NAALADL2: variants seen among roughly 807,000 people sequenced by gnomAD.
NAALADL2 encodes inactive N-acetylated-alpha-linked acidic dipeptidase-like protein 2.
Under a neutral mutation model 87.2 loss-of-function variants are expected in NAALADL2, and 76 were observed. The ratio of observed to expected loss-of-function variants is 0.87; its 90% CI spans 0.72 to 1.05. The LOEUF (loss-of-function observed/expected upper bound fraction) is 1.05, where lower values mean the gene tolerates loss of function less well. Ranked by LOEUF, NAALADL2 falls within the 50% of genes least tolerant of loss-of-function variation. The pLI, the probability that NAALADL2 is intolerant of heterozygous loss-of-function variation, is 0.00. For synonymous variants in NAALADL2, 354 were observed against 331.0 expected (o/e 1.07, Z -0.75); for missense variants, 1,089 against 945.8 (o/e 1.15, Z -1.99).
intron 3 of NAALADL2, among the ~76,000 whole-genome samples, chr3:174,751,880 G>A (rs1005667369): frequency 1.3e-5 from 2 of 152,076 alleles, no homozygotes; most frequent in African/African-American, 2.4e-5. Context: ...GTGTGTGCGC[G>A]TGCGCAATTT....
Position 174,617,054 on chromosome 3 carries a change from AC to A in NAALADL2, c.-115+66418del, listed in dbSNP as rs1157908838. Among the ~76,000 whole-genome samples the A allele has an allele frequency of 2.0e-5, 3 of 151,878 alleles. No homozygotes were observed. In the East Asian group the frequency reaches 5.8e-4, roughly 29 times the overall value. On this transcript the variant is annotated intron_variant, in intron 2 of 3. Transcript: ENST00000434257. ...TTGGAATTTTTAATTCACTTAGTTA[AC>A]TTTGTATGGGTATTAAATACCCTGC...
intron 5 of NAALADL2, among the ~76,000 whole-genome samples, chr3:175,401,851 A>C (rs1319830881): frequency 6.6e-6 from 1 of 152,108 alleles, no homozygotes; most frequent in African/African-American, 2.4e-5. Flanking sequence ...TTTTTCGGTG[A>C]AGCTCCTTCC....
At chr3:175,461,487 G>GAC (rs1353135485) in intron 6 of NAALADL2, among the ~76,000 whole-genome samples, 1 of 152,010 alleles carries the variant, frequency 6.6e-6, no homozygotes, top group Non-Finnish European at 1.5e-5. Flanking sequence ...CTCTAATCAC[G>GAC]ACACCCCAAC....
At chr3:174,758,242 A>T (rs958312703) in intron 3 of NAALADL2, among the ~76,000 whole-genome samples, 1 of 152,196 alleles carries the variant, frequency 6.6e-6, no homozygotes, top group Non-Finnish European at 1.5e-5. Context: ...GGTAAAACAC[A>T]AATTATGTTA....
chr3:175,119,695 A>AGATATAGATATAGATATAGATT (rs1725827790), intron 2 of NAALADL2, among the ~76,000 whole-genome samples: 1 of 147,756 alleles, frequency 6.8e-6, no homozygotes, highest in East Asian at 2.0e-4. Context: ...GTGTGTATAT[A>AGATATAGATATAGATATAGATT]TAGATATAGA....
chr3:175,743,207 G>T (rs1292294812), intron 12 of NAALADL2, among the ~76,000 whole-genome samples: 1 of 151,946 alleles, frequency 6.6e-6, no homozygotes, highest in Non-Finnish European at 1.5e-5. Context: ...CACCATGTTG[G>T]CCAGGCCCTT....
intron 2 of NAALADL2, among the ~76,000 whole-genome samples, chr3:174,648,078 G>C (rs955332491): frequency 1.3e-5 from 2 of 151,956 alleles, no homozygotes; most frequent in Non-Finnish European, 2.9e-5. Flanking sequence ...TGGTCAAAAA[G>C]AAAAAGGGGA....
chr3:174,938,915 A>T (rs1263507557), intron 1 of NAALADL2, among the ~76,000 whole-genome samples: 1 of 152,040 alleles, frequency 6.6e-6, no homozygotes, highest in Non-Finnish European at 1.5e-5. Context: ...TAGAAGCTGG[A>T]TATTAGACCT....
At chr3:175,388,751 T>A (rs930678321) in intron 5 of NAALADL2, among the ~76,000 whole-genome samples, 1 of 152,094 alleles carries the variant, frequency 6.6e-6, no homozygotes, top group Non-Finnish European at 1.5e-5. Flanking sequence ...CCATCTGAAC[T>A]ATTTCTTAGT....
At chr3:174,895,810 C>T (rs777389805) in intron 1 of NAALADL2, among the ~76,000 whole-genome samples, 5 of 151,946 alleles carry the variant, frequency 3.3e-5, no homozygotes, top group Non-Finnish European at 5.9e-5. Context: ...GAAAATACAA[C>T]CTGAATTCAG....
At position 175,145,518 on chromosome 3, in the gene NAALADL2, T is replaced by C. The variant is rs955749269; in HGVS notation, c.545+48227T>C. 3.6e-4 allele frequency among the ~76,000 whole-genome samples: 55 copies of C among 152,218 alleles called. 1 individual carries two copies. Among genetic ancestry groups the C allele is most frequent in the African/African-American group, 1.2e-3 (51 of 41,548 alleles). On this transcript the variant is annotated intron_variant, in intron 2 of 13. Coordinates refer to ENST00000454872, the MANE Select transcript of NAALADL2 (RefSeq NM_207015.3). ...AACTTATCGGAAAGAAAATGTATTT[T>C]TTTTCTTCTTTCATTTGACCTTTCT...
chr3:175,665,867 G>T (rs974490947), intron 11 of NAALADL2, among the ~76,000 whole-genome samples: 1 of 151,986 alleles, frequency 6.6e-6, no homozygotes, highest in Non-Finnish European at 1.5e-5. Flanking sequence ...GGAGGCGGAC[G>T]TTGCAGTGAG....
intron 1 of NAALADL2, among the ~76,000 whole-genome samples, chr3:174,503,180 AG>A (rs1317486879): frequency 6.6e-6 from 1 of 152,174 alleles, no homozygotes; most frequent in Non-Finnish European, 1.5e-5. Context: ...AAAATTTGTA[AG>A]GCATCAAGGG....
chr3:174,741,855 A>T (rs567164125), intron 3 of NAALADL2, among the ~76,000 whole-genome samples: 1 of 151,678 alleles, frequency 6.6e-6, no homozygotes, highest in Non-Finnish European at 1.5e-5. Flanking sequence ...AGCGGTTTCC[A>T]TTTCCTTATA....
intron 9 of NAALADL2, among the ~76,000 whole-genome samples, chr3:175,488,050 G>C (rs566351138): frequency 6.6e-6 from 1 of 152,288 alleles, no homozygotes; most frequent in South Asian, 2.1e-4. Context: ...TATTGAAATG[G>C]AAAACAGTGT....
chr3:175,144,990 A>G (rs113853093), intron 2 of NAALADL2, among the ~76,000 whole-genome samples: 1,749 of 151,830 alleles, frequency 0.012, 16 homozygotes, highest in South Asian at 0.039. Context: ...AAAACATTCC[A>G]TTTCTTTATT....
chr3:175,325,844 G>A (rs1404653192), intron 5 of NAALADL2, among the ~76,000 whole-genome samples: 3 of 152,040 alleles, frequency 2.0e-5, no homozygotes, highest in Non-Finnish European at 1.5e-5. Context: ...CTCTGAAATG[G>A]CTTTATTCTG....
At chr3:175,025,999 C>A (rs1369080488) in intron 1 of NAALADL2, among the ~76,000 whole-genome samples, 1 of 151,934 alleles carries the variant, frequency 6.6e-6, no homozygotes, top group Non-Finnish European at 1.5e-5. Flanking sequence ...TTTGTAAAGA[C>A]GGGGTCTCCC....
At chr3:174,870,092 AGT>A (rs757582306) in intron 1 of NAALADL2, among the ~76,000 whole-genome samples, 3 of 147,558 alleles carry the variant, frequency 2.0e-5, no homozygotes, top group South Asian at 4.4e-4. Context: ...TGTGTGTATG[AGT>A]GTGTGTGTAA....
Sources: gnomAD v4.1 joint callset for allele counts (sites outside exome capture counted in the v4.1 genomes callset) on GRCh38, gnomAD v4.1.1 for gene constraint, MANE v1.5 for transcripts, NCBI Gene and HGNC (gene_info 2026-07-23, HGNC 2026-07-21) for gene names.